Variants in RBM17 observed in about 807,000 individuals in gnomAD.
The protein encoded by RBM17 is splicing factor 45.
RBM17 carries 7 observed loss-of-function variants against 53.2 expected under a neutral mutation model. The ratio of observed to expected loss-of-function variants is 0.13; its 90% CI spans 0.07 to 0.25. The LOEUF (loss-of-function observed/expected upper bound fraction) is 0.25, where lower values mean the gene tolerates loss of function less well. RBM17 is among the 10% of genes least tolerant of loss of function. The probability of loss-of-function intolerance (pLI) is 1.00; values close to 1 mark genes in which losing one functional copy is unlikely to be tolerated. For missense variants in RBM17, 257 were observed against 496.7 expected (o/e 0.52, Z 4.59); for synonymous variants, 167 against 178.1 (o/e 0.94, Z 0.50).
chr10:6,111,664 G>A (rs774789201), intron 7 of RBM17, among the ~76,000 whole-genome samples: 1 of 152,130 alleles, frequency 6.6e-6, no homozygotes, highest in Admixed American at 6.5e-5. Context: ...CTAATATGGC[G>A]TCTTGCATTA....
intron 2 of RBM17, among the ~76,000 whole-genome samples, chr10:6,100,051 A>T (rs1173708683): frequency 6.6e-6 from 1 of 152,202 alleles, no homozygotes; most frequent in African/African-American, 2.4e-5. Flanking sequence ...TCCATCTCAA[A>T]AAAAAAGAAA....
chr10:6,107,365 A>G (rs1406155414), intron 5 of RBM17, among the ~76,000 whole-genome samples: 1 of 151,370 alleles, frequency 6.6e-6, no homozygotes, highest in East Asian at 1.9e-4. Context: ...TTTAGTAGAG[A>G]CAGGGTTTCA....
At chr10:6,098,576 T>TTTG (rs1840618967) in intron 2 of RBM17, among the ~76,000 whole-genome samples, 1 of 122,010 alleles carries the variant, frequency 8.2e-6, no homozygotes, top group African/African-American at 3.0e-5. Flanking sequence ...TTTTTTTTTT[T>TTTG]TTTTTTTTTT....
intron 1 of RBM17, among the ~76,000 whole-genome samples, chr10:6,093,892 T>G (rs1415821918): frequency 2.0e-5 from 3 of 152,232 alleles, no homozygotes; most frequent in Non-Finnish European, 4.4e-5. Flanking sequence ...TATGTCATAC[T>G]TTTAATAATT....
At chr10:6,101,830 TTG>T (rs756177930) in intron 3 of RBM17, among the ~76,000 whole-genome samples, 1 of 152,254 alleles carries the variant, frequency 6.6e-6, no homozygotes, top group Non-Finnish European at 1.5e-5. Flanking sequence ...GATATATGGG[TTG>T]TTTCTATTTT....
chr10:6,097,345 T>C (rs1484171907), intron 2 of RBM17, among the ~76,000 whole-genome samples, 157 bp downstream of exon 2: 2 of 152,198 alleles, frequency 1.3e-5, no homozygotes, highest in Non-Finnish European at 2.9e-5. Context: ...TTAAGGCCAC[T>C]TTGCTACTCC....
Position 6,112,197 on chromosome 10 carries a change from C to T in RBM17, c.705-13C>T, listed in dbSNP as rs1303394783. 1.9e-6 allele frequency: 3 copies of T among 1,609,280 alleles called. No individual in the cohort carries two copies. Among genetic ancestry groups the T allele is most frequent in the Non-Finnish European group, 1.7e-6 (2 of 1,179,536 alleles). ...GTCAAGGCTAAGAGTCCTTTCCCTT[C>T]TTCTCCTGCCAGGGGCACGGTGGCG... On this transcript the variant is annotated splice_polypyrimidine_tract_variant and intron_variant, in intron 7 of 11. Transcript: ENST00000379888. This position sits in a 1 kb window ranked among gnomAD's most constrained non-coding sequence, Gnocchi z 4.4.
chr10:6,090,472 G>A (rs564095442), intron 1 of RBM17, among the ~76,000 whole-genome samples: 3 of 152,340 alleles, frequency 2.0e-5, no homozygotes, highest in East Asian at 3.9e-4. Context: ...GTTTATAACA[G>A]AGCAGGTTGT....
intron 1 of RBM17, among the ~76,000 whole-genome samples, chr10:6,093,927 CTG>C (rs1840528216): frequency 1.3e-5 from 2 of 149,338 alleles, no homozygotes; most frequent in South Asian, 2.1e-4. Flanking sequence ...AGATTTCACT[CTG>C]TTTTTGACTG....
chr10:6,114,312 C>T, intron 10 of RBM17, 165 bp downstream of exon 10: 1 of 496,728 alleles, frequency 2.0e-6, no homozygotes, highest in Non-Finnish European at 3.7e-6. Context: ...CAGTTTTAAA[C>T]ATAAAGACAA....
intron 5 of RBM17, 144 bp from the exon 6 acceptor site, chr10:6,108,542 G>A: frequency 3.5e-6 from 2 of 565,252 alleles, no homozygotes; most frequent in Non-Finnish European, 6.4e-6. Flanking sequence ...TTGTTCATAT[G>A]TAGCAGGAGG....
intron 3 of RBM17, among the ~76,000 whole-genome samples, 189 bp downstream of exon 3, chr10:6,101,576 G>T (rs1214325816): frequency 6.6e-6 from 1 of 152,158 alleles, no homozygotes; most frequent in Non-Finnish European, 1.5e-5. Context: ...TAAATAGTTT[G>T]TTGTAGAAAA....
rs1840847198 is a variant in RBM17, at chr10:6,112,115, T to A, written c.705-95T>A. 1.5e-6 allele frequency: 2 copies of A among 1,312,146 alleles called. No individual in the cohort carries two copies. The highest frequency in any genetic ancestry group is 1.9e-5 in the Admixed American group (1 of 53,236). The allele number at this position is 1,312,146 out of a possible 1,614,324, so 81.3% of individuals were successfully genotyped here. The stretch of plus-strand genomic sequence containing the variant: ...GTTGAAGCCCCTGTGGAGCATGCAC[T>A]CTCTCCAGAAGGAGGTTGTTGTGAT... On this transcript the variant is annotated intron_variant, in intron 7 of 11. Transcript: ENST00000379888. The surrounding 1 kb of genome is among the most constrained non-coding windows in gnomAD (Gnocchi z 4.4).
At chr10:6,093,968 A>ATTT (rs71390121) in intron 1 of RBM17, among the ~76,000 whole-genome samples, 93 of 93,264 alleles carry the variant, frequency 1.0e-3, no homozygotes, top group Non-Finnish European at 1.1e-3. Flanking sequence ...CAAGTGTGGA[A>ATTT]TTTTTTTTTT....
rs775482452 is a variant in RBM17, at chr10:6,114,025, ATTTG to A, written c.931-20_931-17del. On this transcript the variant is annotated intron_variant, in intron 9 of 11. Coordinates refer to ENST00000379888, the MANE Select transcript of RBM17 (RefSeq NM_032905.5). The stretch of plus-strand genomic sequence containing the variant: ...TTTGTAAGTTATACTTGGTACTTGA[ATTTG>A]TTTATTTTTGTGTTTAAAGAACATG... The A allele has an allele frequency of 6.6e-7, 1 of 1,515,484 alleles. No individual in the cohort carries two copies. Among genetic ancestry groups the A allele is most frequent in the East Asian group, 2.3e-5 (1 of 44,248 alleles). The allele number at this position is 1,515,484 out of a possible 1,614,324, so 93.9% of individuals were successfully genotyped here.
At position 6,097,173 on chromosome 10, in the gene RBM17, T is replaced by C; in HGVS notation, c.108T>C (p.Ala36=). Residue 36 remains alanine, a synonymous_variant, in exon 2 of 12, where the codon GCT becomes GCC. Coordinates refer to ENST00000379888, the MANE Select transcript of RBM17 (RefSeq NM_032905.5). ...LQSQLQVKKA[A]LTQAKSQRTK... is the part of the protein sequence containing the mutation. ...CTCAGCTTCAGGTGAAGAAGGCAGC[T>C]CTCACTCAGGCAAAGGTAAAGACAA... 1 of 1,613,980 alleles carries C rather than the reference T, an allele frequency of 6.2e-7. No homozygotes were observed. The highest frequency in any genetic ancestry group is 8.5e-7 in the Non-Finnish European group (1 of 1,179,924).
chr10:6,103,330 C>A (rs994046048), intron 3 of RBM17, among the ~76,000 whole-genome samples: 5 of 152,068 alleles, frequency 3.3e-5, no homozygotes, highest in African/African-American at 9.7e-5. Context: ...TCACTTTATT[C>A]ATTGCAGCAT....
Position 6,095,209 on chromosome 10 carries a change from ATTCTT to A in RBM17, c.-18-1826_-18-1822del, listed in dbSNP as rs1184547342. Among the ~76,000 whole-genome samples the A allele has an allele frequency of 9.3e-5, 14 of 151,046 alleles. No individual in the cohort carries two copies. In the East Asian group the frequency reaches 1.4e-3, roughly 15 times the overall value. ...TCTGTCTGCATCCCGGCATCCCTTC[ATTCTT>A]TTCTTTTCTTTTTTTTTTGGCGGAG... On this transcript the variant is annotated intron_variant, in intron 1 of 11. Transcript: ENST00000379888.
At chr10:6,097,424 C>T (rs533775082) in intron 2 of RBM17, among the ~76,000 whole-genome samples, 2 of 152,170 alleles carry the variant, frequency 1.3e-5, no homozygotes, top group East Asian at 1.9e-4. Flanking sequence ...GGGGGCTGGG[C>T]GCAGTGGCTC....
Sources: gnomAD v4.1 joint callset for allele counts (sites outside exome capture counted in the v4.1 genomes callset) on GRCh38, gnomAD v4.1.1 for gene constraint, Gnocchi (gnomAD v3.1) non-coding constraint, MANE v1.5 for transcripts, NCBI Gene and HGNC (gene_info 2026-07-23, HGNC 2026-07-21) for gene names.